Variants in ABCA13 observed in about 807,000 individuals in gnomAD.
The protein encoded by ABCA13 is ATP binding cassette subfamily A member 13, also known as ATP-binding cassette sub-family A member 13.
A neutral mutation model predicts 478.7 loss-of-function variants in ABCA13; 476 were observed. That is an observed-to-expected ratio of 0.99 (90% CI 0.92 to 1.07). The LOEUF (loss-of-function observed/expected upper bound fraction) is 1.07, where lower values mean the gene tolerates loss of function less well. Among genes scored for constraint, ABCA13 ranks in the 50% least tolerant of loss-of-function variants. The pLI, the probability that ABCA13 is intolerant of heterozygous loss-of-function variation, is 0.00. For missense variants in ABCA13, 6,060 were observed against 5,910.6 expected (o/e 1.03, Z -0.83); for synonymous variants, 2,252 against 2,158.9 (o/e 1.04, Z -1.20).
chr7:48,544,420 A>G (rs1044292251), intron 55 of ABCA13, among the ~76,000 whole-genome samples: 9 of 151,864 alleles, frequency 5.9e-5, no homozygotes, highest in Non-Finnish European at 1.2e-4. Context: ...CAGGGTTGGG[A>G]CTTCCAGCCA....
At chr7:48,444,341 G>C (rs1348323592) in intron 42 of ABCA13, among the ~76,000 whole-genome samples, 2 of 152,096 alleles carry the variant, frequency 1.3e-5, no homozygotes, top group Admixed American at 1.3e-4. Flanking sequence ...TCTCTCACTT[G>C]AGCCTCGGTC....
At chr7:48,209,154 C>A (rs1206274647) in intron 3 of ABCA13, among the ~76,000 whole-genome samples, 3 of 151,844 alleles carry the variant, frequency 2.0e-5, no homozygotes, top group African/African-American at 7.3e-5. Context: ...ATGGATGAAT[C>A]CCACTTGGTC....
intron 45 of ABCA13, among the ~76,000 whole-genome samples, chr7:48,475,654 T>C (rs776766686): frequency 9.9e-5 from 15 of 151,778 alleles, no homozygotes; most frequent in Non-Finnish European, 2.2e-4. Flanking sequence ...TTAGTAGAGA[T>C]GGGGTTTCAC....
At chr7:48,417,568 G>A (rs1820192296) in intron 41 of ABCA13, among the ~76,000 whole-genome samples, 1 of 152,050 alleles carries the variant, frequency 6.6e-6, no homozygotes, top group African/African-American at 2.4e-5. Flanking sequence ...GCAAAATTGA[G>A]CAGAATGCAC....
chr7:48,450,698 T>C (rs1250147510), intron 42 of ABCA13, among the ~76,000 whole-genome samples: 1 of 151,922 alleles, frequency 6.6e-6, no homozygotes, highest in Non-Finnish European at 1.5e-5. Flanking sequence ...CCCTCCCTCA[T>C]TTTTTGGTTA....
At chr7:48,264,402 A>C (rs1474637684) in intron 15 of ABCA13, among the ~76,000 whole-genome samples, 1 of 151,882 alleles carries the variant, frequency 6.6e-6, no homozygotes, top group Non-Finnish European at 1.5e-5. Flanking sequence ...TCCCATTGGC[A>C]GTGCATGAGA....
chr7:48,187,019 G>GTGTA (rs1554329613), intron 1 of ABCA13, among the ~76,000 whole-genome samples: 2 of 145,114 alleles, frequency 1.4e-5, no homozygotes, highest in African/African-American at 2.5e-5. Context: ...ATGTGTGTGT[G>GTGTA]TATATATATA....
chr7:48,273,941 A>T lies in ABCA13; in HGVS notation c.4275A>T (p.Arg1425Ser), dbSNP rs747734842. The T allele has an allele frequency of 3.7e-6, 6 of 1,612,096 alleles. No homozygotes were observed. The South Asian group carries it at 5.5e-5, about 15-fold the overall frequency. ...TTCAAAATATTTTGGGGAATTTCAG[A>T]GATATAGAAAACAAAATGAACTCTA... is the stretch of plus-strand genomic sequence containing the variant. The part of the protein sequence containing the change: ...GHLQNILGNF[R>S]DIENKMNSIL... Residue 1425 changes from arginine (R) to serine (S), a missense_variant, in exon 17 of 62, where the codon AGA (arginine) becomes AGT (serine). Coordinates refer to ENST00000435803, the MANE Select transcript of ABCA13 (RefSeq NM_152701.5).
At chr7:48,187,066 T>G (rs1796452333) in intron 1 of ABCA13, among the ~76,000 whole-genome samples, 1 of 149,788 alleles carries the variant, frequency 6.7e-6, no homozygotes, top group Non-Finnish European at 1.5e-5. Context: ...TCAGTCCCTG[T>G]CTCTCTATAT....
At chr7:48,351,790 T>C (rs2128984297) in intron 30 of ABCA13, among the ~76,000 whole-genome samples, 1 of 152,352 alleles carries the variant, frequency 6.6e-6, no homozygotes, top group South Asian at 2.1e-4. Flanking sequence ...TGGCATAAAA[T>C]AGAATCCATG....
chr7:48,621,298 G>T (rs147264476), intron 59 of ABCA13, among the ~76,000 whole-genome samples: 1 of 152,046 alleles, frequency 6.6e-6, no homozygotes, highest in Non-Finnish European at 1.5e-5. Context: ...AGATCTGTTC[G>T]TAGAGTGTTT....
intron 55 of ABCA13, among the ~76,000 whole-genome samples, chr7:48,528,667 AG>A (rs1442456322): frequency 2.6e-5 from 4 of 152,118 alleles, no homozygotes; most frequent in Admixed American, 2.0e-4. Context: ...GAAATGGCCA[AG>A]GGGTGGTTCT....
intron 39 of ABCA13, 65 bp from the exon 40 acceptor site, chr7:48,410,455 A>T: frequency 6.3e-7 from 1 of 1,589,132 alleles, no homozygotes; most frequent in South Asian, 1.1e-5. Flanking sequence ...TCCTGAGGAA[A>T]GGAGGGAAGG....
chr7:48,298,668 A>G (rs560400607), intron 23 of ABCA13, among the ~76,000 whole-genome samples, 181 bp downstream of exon 23: 1 of 152,342 alleles, frequency 6.6e-6, no homozygotes, highest in Non-Finnish European at 1.5e-5. Context: ...CAAGGAACCA[A>G]AGGGTGTCAT....
intron 38 of ABCA13, among the ~76,000 whole-genome samples, chr7:48,393,318 A>G (rs1816351358): frequency 6.6e-6 from 1 of 152,186 alleles, no homozygotes; most frequent in South Asian, 2.1e-4. Flanking sequence ...CCCCTCAGGA[A>G]GATGCATGGC....
At chr7:48,383,373 A>G (rs747130756) in intron 35 of ABCA13, among the ~76,000 whole-genome samples, 4 of 152,320 alleles carry the variant, frequency 2.6e-5, no homozygotes, top group South Asian at 4.1e-4. Flanking sequence ...GTATGTGGGT[A>G]TACGTATGTG....
At chr7:48,200,956 AC>A (rs1240088425) in intron 3 of ABCA13, among the ~76,000 whole-genome samples, 1 of 151,976 alleles carries the variant, frequency 6.6e-6, no homozygotes, top group African/African-American at 2.4e-5. Flanking sequence ...CCTGGCAGGT[AC>A]CCCAAGTCCA....
intron 27 of ABCA13, among the ~76,000 whole-genome samples, chr7:48,322,829 A>G (rs1156922711): frequency 1.3e-5 from 2 of 152,046 alleles, no homozygotes; most frequent in African/African-American, 2.4e-5. Context: ...CCGAGCCCAC[A>G]CCAAATCCCT....
chr7:48,495,525 A>G (rs1830200492), intron 48 of ABCA13, among the ~76,000 whole-genome samples: 1 of 152,208 alleles, frequency 6.6e-6, no homozygotes, highest in African/African-American at 2.4e-5. Context: ...TTAGAAATGT[A>G]CATTATATGT....
Sources: allele counts gnomAD v4.1 joint callset (sites outside exome capture counted in the v4.1 genomes callset), GRCh38; gene constraint gnomAD v4.1.1; transcripts MANE v1.5; gene names NCBI Gene and HGNC (gene_info 2026-07-23, HGNC 2026-07-21).